The following NAALADL2 variants were observed in gnomAD, a reference collection of about 807,000 sequenced individuals.
NAALADL2 encodes N-acetylated alpha-linked acidic dipeptidase like 2.
Under a neutral mutation model 87.2 loss-of-function variants are expected in NAALADL2, and 76 were observed. That is an observed-to-expected ratio of 0.87 (90% CI 0.72 to 1.05). The LOEUF (loss-of-function observed/expected upper bound fraction) is 1.05, where lower values mean the gene tolerates loss of function less well. Among genes scored for constraint, NAALADL2 ranks in the 50% least tolerant of loss-of-function variants. NAALADL2 has a pLI of 0.00. For missense variants in NAALADL2, 1,089 were observed against 945.8 expected (o/e 1.15, Z -1.99); for synonymous variants, 354 against 331.0 (o/e 1.07, Z -0.75).
chr3:174,737,026 C>A (rs1328188577), intron 2 of NAALADL2, among the ~76,000 whole-genome samples: 1 of 152,218 alleles, frequency 6.6e-6, no homozygotes, highest in Non-Finnish European at 1.5e-5. Context: ...TGGGCAGCTG[C>A]AGCTGTGACT....
rs3067035 is a variant in NAALADL2, at chr3:175,096,495, CGTGTGTGTGT to C, written c.44-262_44-253del. Among the ~76,000 whole-genome samples the C allele has an allele frequency of 8.4e-3, 1,205 of 143,188 alleles. 11 individuals are homozygous for C. Among genetic ancestry groups the C allele is most frequent in the African/African-American group, 0.021 (834 of 38,882 alleles). The allele number at this position is 143,188 out of a possible 152,430, so 93.9% of individuals were successfully genotyped here. ...TCCTGAGCTTCAAAGATTAATGGGG[CGTGTGTGTGT>C]GTGTGTGTGTGTGTGTGTGTGTGTG... On this transcript the variant is annotated intron_variant, in intron 1 of 13. Coordinates refer to ENST00000454872, the MANE Select transcript of NAALADL2 (RefSeq NM_207015.3).
chr3:175,508,646 A>T (rs1045508640), intron 9 of NAALADL2, among the ~76,000 whole-genome samples: 2 of 152,068 alleles, frequency 1.3e-5, no homozygotes, highest in African/African-American at 2.4e-5. Flanking sequence ...AGTCCCATAC[A>T]TTTTACTTCA....
intron 2 of NAALADL2, among the ~76,000 whole-genome samples, chr3:175,210,235 A>G (rs777758677): frequency 6.6e-5 from 10 of 151,854 alleles, no homozygotes; most frequent in Non-Finnish European, 1.2e-4. Flanking sequence ...TGTCAGGAAA[A>G]TGAAAGGATA....
At chr3:175,352,058 A>C (rs777031944) in intron 5 of NAALADL2, among the ~76,000 whole-genome samples, 2 of 152,038 alleles carry the variant, frequency 1.3e-5, no homozygotes, top group Non-Finnish European at 2.9e-5. Flanking sequence ...ATGCATCGAG[A>C]GGGTATGAAG....
intron 7 of NAALADL2, among the ~76,000 whole-genome samples, chr3:175,463,925 G>A (rs1723581814): frequency 6.6e-6 from 1 of 152,170 alleles, no homozygotes; most frequent in African/African-American, 2.4e-5. Flanking sequence ...TGCCTCCCAA[G>A]TTCAAGCAAT....
chr3:175,419,367 TATA>T (rs886681898), intron 5 of NAALADL2, among the ~76,000 whole-genome samples: 16 of 151,784 alleles, frequency 1.1e-4, no homozygotes, highest in Non-Finnish European at 2.2e-4. Context: ...TAAAAATTAT[TATA>T]AGCAAAAAAT....
chr3:175,366,962 AG>A (rs1194548329), intron 5 of NAALADL2, among the ~76,000 whole-genome samples: 1 of 151,548 alleles, frequency 6.6e-6, no homozygotes, highest in African/African-American at 2.4e-5. Flanking sequence ...GGTAATGCCT[AG>A]GTTTTCTTCT....
At chr3:174,549,596 T>C (rs571224875) in intron 1 of NAALADL2, among the ~76,000 whole-genome samples, 1 of 152,324 alleles carries the variant, frequency 6.6e-6, no homozygotes, top group African/African-American at 2.4e-5. Flanking sequence ...AGGAGGAACA[T>C]GGGCAAACAG....
intron 10 of NAALADL2, among the ~76,000 whole-genome samples, chr3:175,604,369 T>A (rs928730119): frequency 6.8e-6 from 1 of 146,288 alleles, no homozygotes; most frequent in Non-Finnish European, 1.5e-5. Context: ...AGTGGTGCCA[T>A]CTCCGCTCAC....
rs570862436 is a variant in NAALADL2, at chr3:174,633,252, G to A, written c.-115+82615G>A. Among the ~76,000 whole-genome samples, 8 of 151,634 alleles carry A rather than the reference G, an allele frequency of 5.3e-5. No homozygotes were observed. In the East Asian group the frequency reaches 5.8e-4, roughly 11 times the overall value. ...TTTCAGATACATTTATGTTTTTTCCGAAACTTAAAAATATAATTATTCCTT... is the reference window on the plus strand; with the variant it reads ...TTTCAGATACATTTATGTTTTTTCCAAAACTTAAAAATATAATTATTCCTT... On this transcript the variant is annotated intron_variant, in intron 2 of 3. Coordinates refer to the NAALADL2 transcript ENST00000434257.
chr3:174,624,362 G>T (rs187056800), intron 2 of NAALADL2, among the ~76,000 whole-genome samples: 2 of 152,136 alleles, frequency 1.3e-5, no homozygotes, highest in Non-Finnish European at 2.9e-5. Context: ...GGTGGCTCAC[G>T]CCTGTAATTC....
chr3:175,488,817 G>A (rs1214044774), intron 9 of NAALADL2, among the ~76,000 whole-genome samples: 4 of 152,142 alleles, frequency 2.6e-5, no homozygotes, highest in Non-Finnish European at 2.9e-5. Flanking sequence ...GGACATCCCC[G>A]GCTTGACTAG....
rs760276553 is a variant in NAALADL2, at chr3:175,471,651, G to A, written c.1546G>A (p.Val516Ile). The A allele has an allele frequency of 5.4e-6, 8 of 1,493,710 alleles. No homozygotes were observed. The highest frequency in any genetic ancestry group is 3.5e-5 in the Admixed American group (2 of 57,008). 92.5% of individuals were successfully genotyped at this position (1,493,710 alleles called of 1,614,324 possible). A position where few individuals can be genotyped will look rare whatever the true frequency, so the allele number is the denominator to read the frequency against. The change falls in exon 9 of 14, where the codon GTT becomes ATT. Residue 516 changes from valine to isoleucine, a missense_variant. Physicochemically the swap from Val to Ile is conservative, Grantham distance 29 (BLOSUM62 3). Coordinates refer to ENST00000454872, the MANE Select transcript of NAALADL2 (RefSeq NM_207015.3). ...TTTGTTATTTCAGGATTTCAAGAAG[G>A]TTCTTCAGAAAAATGTTGTGGCTTA... ...SYEWGEDFKK[V>I]LQKNVVAYIS...
intron 11 of NAALADL2, among the ~76,000 whole-genome samples, chr3:175,665,344 A>G (rs1319988785): frequency 1.3e-5 from 2 of 152,234 alleles, no homozygotes; most frequent in Admixed American, 6.5e-5. Flanking sequence ...CTTCAGACCA[A>G]CCAACTTTTC....
intron 13 of NAALADL2, among the ~76,000 whole-genome samples, chr3:175,781,960 G>GT (rs1401982103): frequency 6.6e-6 from 1 of 150,492 alleles, no homozygotes; most frequent in East Asian, 2.0e-4. Context: ...GCAGTGTTTG[G>GT]TTTTTTGTTC....
At chr3:174,899,312 TAC>T (rs1372942222) in intron 1 of NAALADL2, among the ~76,000 whole-genome samples, 1 of 152,162 alleles carries the variant, frequency 6.6e-6, no homozygotes, top group African/African-American at 2.4e-5. Flanking sequence ...TTGCATATGA[TAC>T]AGTTTAAGTA....
At chr3:175,712,161 AC>A (rs1213448462) in intron 11 of NAALADL2, among the ~76,000 whole-genome samples, 1 of 152,034 alleles carries the variant, frequency 6.6e-6, no homozygotes, top group African/African-American at 2.4e-5. Context: ...AGAAATAAAA[AC>A]AATATTTGAT....
intron 2 of NAALADL2, among the ~76,000 whole-genome samples, chr3:175,152,888 C>T (rs1580711831): frequency 1.3e-5 from 2 of 151,584 alleles, no homozygotes; most frequent in East Asian, 3.9e-4. Flanking sequence ...GTCTGGGCGA[C>T]AGAGTGAGAC....
chr3:174,625,920 A>C (rs914838467), intron 2 of NAALADL2, among the ~76,000 whole-genome samples: 1 of 152,026 alleles, frequency 6.6e-6, no homozygotes, highest in Non-Finnish European at 1.5e-5. Flanking sequence ...TAATATCTTT[A>C]AGTTGTGGAA....
Sources: allele counts gnomAD v4.1 joint callset (sites outside exome capture counted in the v4.1 genomes callset), GRCh38; gene constraint gnomAD v4.1.1; transcripts MANE v1.5; gene names NCBI Gene and HGNC (gene_info 2026-07-23, HGNC 2026-07-21).